ANKRD52: variants seen among roughly 807,000 people sequenced by gnomAD.
The protein encoded by ANKRD52 is serine/threonine-protein phosphatase 6 regulatory ankyrin repeat subunit C.
Under a neutral mutation model 116.0 loss-of-function variants are expected in ANKRD52, and 7 were observed. The ratio of observed to expected loss-of-function variants is 0.06; its 90% CI spans 0.03 to 0.11. The LOEUF (loss-of-function observed/expected upper bound fraction) is 0.11, where lower values mean the gene tolerates loss of function less well. ANKRD52 is among the 10% of genes least tolerant of loss of function. The pLI is 1.00. For missense variants in ANKRD52, 839 were observed against 1,408.6 expected, an observed-to-expected ratio of 0.60 and a Z score of 6.47; for synonymous variants, 528 against 578.1, an observed-to-expected ratio of 0.91 and a Z score of 1.24.
chr12:56,252,878 C>T lies in ANKRD52; in HGVS notation c.1203G>A (p.Val401=). 6.2e-7 allele frequency: 1 copy of T among 1,613,902 alleles called. No individual in the cohort carries two copies. The highest frequency in any genetic ancestry group is 2.2e-5 in the East Asian group (1 of 44,896). ...GCACATGCTCATTGCTGAGTGAAGA[C>T]ACAATGCTGTACAACTGACCTGGAG... ...LLSSGQLYSI[V]SSLSNEHVLS... Residue 401 remains valine, a synonymous_variant, in exon 12 of 28, where the codon GTG becomes GTA. Coordinates refer to ENST00000267116, the MANE Select transcript of ANKRD52 (RefSeq NM_173595.4). This position sits in a 1 kb window ranked among gnomAD's most constrained non-coding sequence, Gnocchi z 4.7.
Position 56,255,136 on chromosome 12 carries a change from T to C in ANKRD52, c.463-184A>G. 1 of 550,022 alleles carries C rather than the reference T, an allele frequency of 1.8e-6. No individual in the cohort carries two copies. The highest frequency in any genetic ancestry group is 3.2e-6 in the Non-Finnish European group (1 of 308,312). 34.1% of individuals were successfully genotyped at this position (550,022 alleles called of 1,614,324 possible). A position where few individuals can be genotyped will look rare whatever the true frequency, so the allele number is the denominator to read the frequency against. On this transcript the variant is annotated intron_variant, in intron 5 of 27. Transcript: ENST00000267116. This position sits in a 1 kb window ranked among gnomAD's most constrained non-coding sequence, Gnocchi z 4.3. ...ACTAAGGAGGAGATACTGGAGAGAT[T>C]TGGAACTTTAAGGGAAACAAGAGAG... is the stretch of plus-strand genomic sequence containing the variant.
At position 56,255,999 on chromosome 12, in the gene ANKRD52, G is replaced by A. The variant is rs3741498; in HGVS notation, c.262-15C>T. 3.7e-4 allele frequency: 578 copies of A among 1,550,856 alleles called. 8 individuals are homozygous for A. In the East Asian group the frequency reaches 0.014, roughly 37 times the overall value. ...CCCAGCACCTTCTGTTGAGGGGCAG[G>A]GGACAAAAGAGAGAGTGGGAGCAGG... On this transcript the variant is annotated splice_polypyrimidine_tract_variant and intron_variant, in intron 4 of 27. Transcript: ENST00000267116. This position sits in a 1 kb window ranked among gnomAD's most constrained non-coding sequence, Gnocchi z 4.3.
intron 15 of ANKRD52, among the ~76,000 whole-genome samples, chr12:56,249,668 C>T (rs1412889801): frequency 2.0e-5 from 3 of 152,214 alleles, no homozygotes; most frequent in African/African-American, 4.8e-5. Context: ...CTTTAGGAGG[C>T]TGAGGTGGGC....
chr12:56,242,611 C>T lies in ANKRD52; in HGVS notation c.*531G>A, dbSNP rs187113422. 1.2e-5 allele frequency: 2 copies of T among 171,442 alleles called. No homozygotes were observed. The highest frequency in any genetic ancestry group is 1.6e-4 in the East Asian group (1 of 6,164). 10.6% of individuals were successfully genotyped at this position (171,442 alleles called of 1,614,324 possible). A position where few individuals can be genotyped will look rare whatever the true frequency, so the allele number is the denominator to read the frequency against. The stretch of plus-strand genomic sequence containing the variant: ...GCCCCAGTGCTAAATATCCTCCCCC[C>T]TCATCCTCTAGCTGCCCCTGAAGGG... On this transcript the variant is annotated 3_prime_UTR_variant, in exon 28 of 28. Coordinates refer to ENST00000267116, the MANE Select transcript of ANKRD52 (RefSeq NM_173595.4). The surrounding 1 kb of genome is among the most constrained non-coding windows in gnomAD (Gnocchi z 4.3).
intron 20 of ANKRD52, 110 bp from the exon 21 acceptor site, chr12:56,245,706 GTCTT>G: frequency 5.6e-6 from 3 of 532,478 alleles, no homozygotes; most frequent in Admixed American, 4.1e-5. Flanking sequence ...TCCAATCCTT[GTCTT>G]TTTTTTTTTT....
chr12:56,252,764 G>C lies in ANKRD52; in HGVS notation c.1301+16C>G, dbSNP rs560617602. The C allele has an allele frequency of 1.2e-6, 2 of 1,611,338 alleles. No individual in the cohort carries two copies. The highest frequency in any genetic ancestry group is 1.1e-5 in the South Asian group (1 of 90,960). The stretch of plus-strand genomic sequence containing the variant: ...AGCTCCCTGCTCAAAGCATGGGAGA[G>C]AGAAAGAGAACTCACCCTCCGGAAG... On this transcript the variant is annotated intron_variant, in intron 12 of 27. Coordinates refer to ENST00000267116, the MANE Select transcript of ANKRD52 (RefSeq NM_173595.4). The surrounding 1 kb of genome is among the most constrained non-coding windows in gnomAD (Gnocchi z 4.7).
At position 56,243,107 on chromosome 12, in the gene ANKRD52, T is replaced by G. The variant is rs766345966; in HGVS notation, c.*35A>C. 2.6e-6 allele frequency: 4 copies of G among 1,552,546 alleles called. No individual in the cohort carries two copies. The highest frequency in any genetic ancestry group is 8.7e-7 in the Non-Finnish European group (1 of 1,151,126). On this transcript the variant is annotated 3_prime_UTR_variant, in exon 28 of 28. Transcript: ENST00000267116. The surrounding 1 kb of genome is among the most constrained non-coding windows in gnomAD (Gnocchi z 4.6). ...TTTTCTAAATAAATAGAATTAGATA[T>G]CAAGCCACCGGCGGGGGAGGGACAC...
In ANKRD52 at chr12:56,245,537, C is replaced by A. The variant is rs368680498; in HGVS notation, c.2244G>T (p.Leu748=). The A allele has an allele frequency of 6.8e-6, 11 of 1,611,136 alleles. No homozygotes were observed. The East Asian group carries it at 2.5e-4, about 36-fold the overall frequency. The change falls in exon 21 of 28, where the codon CTG becomes CTT. Residue 748 remains leucine, a synonymous_variant. Coordinates refer to ENST00000267116, the MANE Select transcript of ANKRD52 (RefSeq NM_173595.4). ...AALLDHDAFV[L]CRDFKGRTPI... The stretch of plus-strand genomic sequence containing the variant: ...GCGTGCGGCCCTTAAAGTCTCGGCA[C>A]AGCACAAATGCGTCGTGGTCCAGCA...
In ANKRD52 at chr12:56,237,816, T is replaced by C. The variant is rs551214351; in HGVS notation, c.*5326A>G. ...CGGGACACAGGGCCAGTAGGAGCAATAGGATTTTAATAAACAGAACCCATC... is the reference window on the plus strand; with the variant it reads ...CGGGACACAGGGCCAGTAGGAGCAACAGGATTTTAATAAACAGAACCCATC... On this transcript the variant is annotated 3_prime_UTR_variant, in exon 28 of 28. Coordinates refer to ENST00000267116, the MANE Select transcript of ANKRD52 (RefSeq NM_173595.4). The C allele has an allele frequency of 1.2e-5, 17 of 1,428,528 alleles. No individual in the cohort carries two copies. In the South Asian group the frequency reaches 1.7e-4, roughly 14 times the overall value. The allele number at this position is 1,428,528 out of a possible 1,614,324, so 88.5% of individuals were successfully genotyped here.
At position 56,254,549 on chromosome 12, in the gene ANKRD52, T is replaced by G; in HGVS notation, c.693+29A>C. ...ATAATCTCCTACTTGCTGCCCATAG[T>G]TCCCAACCCCAGAGCTCAAAGCCCT... On this transcript the variant is annotated intron_variant, in intron 7 of 27. Coordinates refer to ENST00000267116, the MANE Select transcript of ANKRD52 (RefSeq NM_173595.4). This position sits in a 1 kb window ranked among gnomAD's most constrained non-coding sequence, Gnocchi z 4.6. 1 of 1,608,284 alleles carries G rather than the reference T, an allele frequency of 6.2e-7. No individual in the cohort carries two copies. Among genetic ancestry groups the G allele is most frequent in the Non-Finnish European group, 8.5e-7 (1 of 1,177,104 alleles).
chr12:56,253,415 GCA>G lies in ANKRD52; in HGVS notation c.986-15_986-14del. Reference sequence around the variant, plus strand: ...TCAATCTCGCTGCCTGTGAGGGGATGCACACACACAAGCTCAGGCAGACCTCA... The same window carrying G: ...TCAATCTCGCTGCCTGTGAGGGGATGCACACACAAGCTCAGGCAGACCTCA... On this transcript the variant is annotated splice_polypyrimidine_tract_variant and intron_variant, in intron 9 of 27. Transcript: ENST00000267116. The surrounding 1 kb of genome is among the most constrained non-coding windows in gnomAD (Gnocchi z 5.5). 6.2e-7 allele frequency: 1 copy of G among 1,600,282 alleles called. No homozygotes were observed. The highest frequency in any genetic ancestry group is 8.6e-7 in the Non-Finnish European group (1 of 1,168,050).
chr12:56,249,287 T>C (rs1871571769), intron 15 of ANKRD52, among the ~76,000 whole-genome samples: 1 of 152,194 alleles, frequency 6.6e-6, no homozygotes, highest in Non-Finnish European at 1.5e-5. Context: ...TGTGAGGCCT[T>C]TCCCAGCCTT....
chr12:56,254,269 G>A lies in ANKRD52; in HGVS notation c.704C>T (p.Pro235Leu), dbSNP rs1439592105. The change falls in exon 8 of 28, where the codon CCC (proline) becomes CTC (leucine). Residue 235 changes from proline (P) to leucine (L), a missense_variant. Pro to Leu is a moderately conservative substitution (Grantham distance 98, BLOSUM62 -3). Coordinates refer to ENST00000267116, the MANE Select transcript of ANKRD52 (RefSeq NM_173595.4). This position sits in a 1 kb window ranked among gnomAD's most constrained non-coding sequence, Gnocchi z 4.6. ...LLRMGAEIDE[P>L]NAFGNTALHI... ...CAAAGCTGTGTTTCCAAAAGCATTG[G>A]GTTCATCGATCTGGATATTCAGGGG... 1 of 1,613,594 alleles carries A rather than the reference G, an allele frequency of 6.2e-7. No homozygotes were observed. The highest frequency in any genetic ancestry group is 1.7e-5 in the Admixed American group (1 of 60,016).
rs1401038935 is a variant in ANKRD52, at chr12:56,248,680, T to TGGTCTTTG, written c.1704+78_1704+79insCAAAGACC. The TGGTCTTTG allele has an allele frequency of 1.7e-5, 26 of 1,491,612 alleles. No individual in the cohort carries two copies. The highest frequency in any genetic ancestry group is 1.2e-4 in the East Asian group (5 of 41,570). The allele number at this position is 1,491,612 out of a possible 1,614,324, so 92.4% of individuals were successfully genotyped here. A position where few individuals can be genotyped will look rare whatever the true frequency, so the allele number is the denominator to read the frequency against. On this transcript the variant is annotated intron_variant, in intron 16 of 27. Coordinates refer to ENST00000267116, the MANE Select transcript of ANKRD52 (RefSeq NM_173595.4). The surrounding 1 kb of genome is among the most constrained non-coding windows in gnomAD (Gnocchi z 5.1). ...TCTGGATCCAAAGACCACATTTGAT[T>TGGTCTTTG]GAACCCTTAGTTTTGGAATCCACAA...
Position 56,253,487 on chromosome 12 carries a change from C to T in ANKRD52, c.986-85G>A. ...GAGCTAGCCATGATTTGAGTGCCTA[C>T]TATGTATGCATCAGGTGCCAGGCCC... On this transcript the variant is annotated intron_variant, in intron 9 of 27. Transcript: ENST00000267116. This position sits in a 1 kb window ranked among gnomAD's most constrained non-coding sequence, Gnocchi z 5.5. 1 of 1,096,762 alleles carries T rather than the reference C, an allele frequency of 9.1e-7. No homozygotes were observed. The highest frequency in any genetic ancestry group is 1.4e-6 in the Non-Finnish European group (1 of 726,058). 67.9% of individuals were successfully genotyped at this position (1,096,762 alleles called of 1,614,324 possible). A position where few individuals can be genotyped will look rare whatever the true frequency, so the allele number is the denominator to read the frequency against.
In ANKRD52 at chr12:56,253,488, T is replaced by TCAAATG. The variant is rs1871799167; in HGVS notation, c.986-87_986-86insCATTTG. The TCAAATG allele has an allele frequency of 9.3e-7, 1 of 1,073,410 alleles. No homozygotes were observed. The allele number at this position is 1,073,410 out of a possible 1,614,324, so 66.5% of individuals were successfully genotyped here. ...AGCTAGCCATGATTTGAGTGCCTACTATGTATGCATCAGGTGCCAGGCCCA... is the reference window on the plus strand; with the variant it reads ...AGCTAGCCATGATTTGAGTGCCTACTCAAATGATGTATGCATCAGGTGCCAGGCCCA... On this transcript the variant is annotated intron_variant, in intron 9 of 27. Transcript: ENST00000267116. This position sits in a 1 kb window ranked among gnomAD's most constrained non-coding sequence, Gnocchi z 5.5.
chr12:56,244,328 T>G lies in ANKRD52; in HGVS notation c.2805+25A>C, dbSNP rs1565607152. The G allele has an allele frequency of 1.2e-6, 2 of 1,611,134 alleles. No homozygotes were observed. Among genetic ancestry groups the G allele is most frequent in the Non-Finnish European group, 8.5e-7 (1 of 1,177,458 alleles). On this transcript the variant is annotated intron_variant, in intron 25 of 27. Coordinates refer to ENST00000267116, the MANE Select transcript of ANKRD52 (RefSeq NM_173595.4). This position sits in a 1 kb window ranked among gnomAD's most constrained non-coding sequence, Gnocchi z 4.9. ...TCATCAAGCTCTGCCCCTTATGCAG[T>G]CCCCCAATCACTTCAGGTAAGTACC...
Position 56,252,314 on chromosome 12 carries a change from T to C in ANKRD52, c.1372A>G (p.Thr458Ala), listed in dbSNP as rs368535490. Residue 458 changes from threonine (T) to alanine (A), a missense_variant and splice_region_variant, in exon 14 of 28, where the codon ACC becomes GCC. Physicochemically the swap from Thr to Ala is moderately conservative, Grantham distance 58. Around this residue, in one of 2 missense-constraint regions of ANKRD52, gnomAD observed 287 missense variants for 598.1 expected, o/e 0.48. Coordinates refer to ENST00000267116, the MANE Select transcript of ANKRD52 (RefSeq NM_173595.4). This position sits in a 1 kb window ranked among gnomAD's most constrained non-coding sequence, Gnocchi z 4.7. ...TTAGCAGCTGCATAGTGCAGTGGGG[T>C]CCTGGGGAAGAAGTGAAGGAGGGTG... ...DLRRRDKFGR[T>A]PLHYAAANGS... is the part of the protein sequence containing the mutation. 1.2e-6 allele frequency: 2 copies of C among 1,613,238 alleles called. No homozygotes were observed. The highest frequency in any genetic ancestry group is 2.7e-5 in the African/African-American group (2 of 74,844).
chr12:56,254,851 G>A lies in ANKRD52; in HGVS notation c.550+14C>T, dbSNP rs572167706. 11 of 1,611,146 alleles carry A rather than the reference G, an allele frequency of 6.8e-6. No individual in the cohort carries two copies. Among genetic ancestry groups the A allele is most frequent in the African/African-American group, 1.3e-5 (1 of 75,008 alleles). ...AATGTCAAATTTCTGATTTTCCCGT[G>A]TATTCTCTCTCACCTAGAAAAGCTG... On this transcript the variant is annotated intron_variant, in intron 6 of 27. Coordinates refer to ENST00000267116, the MANE Select transcript of ANKRD52 (RefSeq NM_173595.4). This position sits in a 1 kb window ranked among gnomAD's most constrained non-coding sequence, Gnocchi z 4.6.
Sources: gnomAD v4.1 joint callset for allele counts (sites outside exome capture counted in the v4.1 genomes callset) on GRCh38, gnomAD v4.1.1 for gene constraint, gnomAD v4.1.1 regional missense constraint, Gnocchi (gnomAD v3.1) non-coding constraint, MANE v1.5 for transcripts, NCBI Gene and HGNC (gene_info 2026-07-23, HGNC 2026-07-21) for gene names.